The following CDH12 variants were observed in gnomAD, a reference collection of about 807,000 sequenced individuals.
CDH12 encodes cadherin-12.
CDH12 carries 41 observed loss-of-function variants against 74.1 expected under a neutral mutation model. The ratio of observed to expected loss-of-function variants is 0.55; its 90% CI spans 0.43 to 0.72. The LOEUF (loss-of-function observed/expected upper bound fraction) is 0.72. Ranked by LOEUF, CDH12 falls within the 30% of genes least tolerant of loss-of-function variation. The pLI is 0.00. For synonymous variants in CDH12, 399 were observed against 355.0 expected (o/e 1.12, Z -1.39); for missense variants, 945 against 977.2 (o/e 0.97, Z 0.44).
rs1290720285 is a variant in CDH12 at position 22,210,757 on chromosome 5, C to T, written c.-187+1741G>A. 4.0e-5 allele frequency among the ~76,000 whole-genome samples: 6 copies of T among 151,532 alleles called. No homozygotes were observed. The East Asian group carries it at 5.8e-4, about 15-fold the overall frequency. On this transcript the variant is annotated intron_variant, in intron 4 of 14. Coordinates refer to ENST00000382254, the MANE Select transcript of CDH12 (RefSeq NM_004061.5). ...GGCACAAGGATAGAGATGTTTTCAGCGACATGCAAGTTCGCTAGTAGCAAG... is the reference window on the plus strand; with the variant it reads ...GGCACAAGGATAGAGATGTTTTCAGTGACATGCAAGTTCGCTAGTAGCAAG...
intron 3 of CDH12, among the ~76,000 whole-genome samples, chr5:22,269,501 G>A (rs541664406): frequency 2.0e-5 from 3 of 152,184 alleles, no homozygotes; most frequent in South Asian, 4.1e-4. Context: ...ATATAAGCAT[G>A]TTGATTTTAA....
chr5:22,725,221 T>C (rs914824916), intron 1 of CDH12, among the ~76,000 whole-genome samples: 6 of 151,890 alleles, frequency 4.0e-5, no homozygotes, highest in Admixed American at 2.6e-4. Context: ...GTGGTTTGTG[T>C]TTTTATAAAG....
chr5:22,654,681 G>T (rs1319516128), intron 1 of CDH12, among the ~76,000 whole-genome samples: 1 of 151,080 alleles, frequency 6.6e-6, no homozygotes, highest in Non-Finnish European at 1.5e-5. Context: ...TGTTGCCTAG[G>T]CTGGAGTGCA....
intron 3 of CDH12, among the ~76,000 whole-genome samples, chr5:22,319,384 A>T (rs998404652): frequency 6.6e-6 from 1 of 152,196 alleles, no homozygotes; most frequent in Non-Finnish European, 1.5e-5. Context: ...CAAGACCAAC[A>T]TCCTATGTGG....
intron 6 of CDH12, among the ~76,000 whole-genome samples, chr5:21,970,779 G>T (rs1756809415): frequency 7.5e-6 from 1 of 134,070 alleles, no homozygotes; most frequent in Admixed American, 8.5e-5. Flanking sequence ...GGCAGAGGTT[G>T]CAGTGCGCCA....
At chr5:22,753,264 T>A (rs1264846696) in intron 1 of CDH12, among the ~76,000 whole-genome samples, 1 of 151,786 alleles carries the variant, frequency 6.6e-6, no homozygotes, top group East Asian at 2.0e-4. Flanking sequence ...TGATGAACCC[T>A]GTCTCTATTA....
rs114260570 is a variant in CDH12 at position 22,023,274 on chromosome 5, T to A, written c.232-47889A>T. The stretch of plus-strand genomic sequence containing the variant: ...CTCCCTTCCTCACACTAATGAACTC[T>A]GCAATAAGATGTATGCCACCTGGAC... On this transcript the variant is annotated intron_variant, in intron 5 of 14. Coordinates refer to ENST00000382254, the MANE Select transcript of CDH12 (RefSeq NM_004061.5). Among the ~76,000 whole-genome samples the A allele has an allele frequency of 8.0e-3, 1,224 of 152,256 alleles. 17 individuals carry two copies. Among genetic ancestry groups the A allele is most frequent in the African/African-American group, 0.028 (1,176 of 41,548 alleles).
At chr5:22,325,672 G>A (rs1739056185) in intron 3 of CDH12, among the ~76,000 whole-genome samples, 1 of 152,086 alleles carries the variant, frequency 6.6e-6, no homozygotes, top group South Asian at 2.1e-4. Flanking sequence ...GCATCACAAG[G>A]TCAGGAGATC....
chr5:22,174,101 A>C (rs1259321096), intron 4 of CDH12, among the ~76,000 whole-genome samples: 2 of 152,162 alleles, frequency 1.3e-5, no homozygotes, highest in Middle Eastern at 3.4e-3. Context: ...TAAGTAGATC[A>C]ATAATTGTTA....
intron 1 of CDH12, among the ~76,000 whole-genome samples, chr5:22,596,785 A>C (rs1345644918): frequency 6.6e-6 from 1 of 152,196 alleles, no homozygotes; most frequent in Non-Finnish European, 1.5e-5. Flanking sequence ...ATCTATCACG[A>C]GCATCTCTTC....
intron 4 of CDH12, among the ~76,000 whole-genome samples, chr5:22,205,280 C>A (rs1277774980): frequency 6.6e-6 from 1 of 152,090 alleles, no homozygotes; most frequent in Non-Finnish European, 1.5e-5. Context: ...TACTGAGTTG[C>A]AGCTTTGAAT....
intron 1 of CDH12, among the ~76,000 whole-genome samples, chr5:22,719,464 A>G (rs1168838596): frequency 6.6e-6 from 1 of 152,170 alleles, no homozygotes; most frequent in Non-Finnish European, 1.5e-5. Flanking sequence ...TGCCTAGTGA[A>G]GTAAAGTTAA....
chr5:22,230,653 T>C (rs1428054956), intron 3 of CDH12, among the ~76,000 whole-genome samples: 1 of 151,848 alleles, frequency 6.6e-6, no homozygotes, highest in Non-Finnish European at 1.5e-5. Context: ...GTATTTTTAA[T>C]AGAGACGGGG....
intron 1 of CDH12, among the ~76,000 whole-genome samples, chr5:22,590,270 G>A (rs1208230068): frequency 3.3e-5 from 5 of 151,936 alleles, no homozygotes; most frequent in African/African-American, 7.3e-5. Flanking sequence ...TAAAGATCAT[G>A]AGCCTCAAAA....
intron 3 of CDH12, among the ~76,000 whole-genome samples, chr5:22,308,159 C>T (rs528386850): frequency 6.6e-6 from 1 of 152,088 alleles, no homozygotes; most frequent in Admixed American, 6.5e-5. Flanking sequence ...GGATTACAGG[C>T]GTGAGCCCCC....
intron 8 of CDH12, among the ~76,000 whole-genome samples, chr5:21,829,606 T>G (rs533027184): frequency 6.6e-6 from 1 of 152,292 alleles, no homozygotes; most frequent in African/African-American, 2.4e-5. Flanking sequence ...CATTTCCTTG[T>G]CTATATAATT....
intron 5 of CDH12, among the ~76,000 whole-genome samples, chr5:21,979,995 G>A (rs1302263270): frequency 6.6e-6 from 1 of 151,542 alleles, no homozygotes; most frequent in Non-Finnish European, 1.5e-5. Context: ...GGTGTGAGAT[G>A]GTATCTCATA....
intron 2 of CDH12, among the ~76,000 whole-genome samples, chr5:22,416,511 C>T (rs114870729): frequency 0.012 from 1,839 of 152,148 alleles, 38 homozygotes; most frequent in African/African-American, 0.041. Flanking sequence ...CATTCTCAAT[C>T]CCCATTTTTC....
chr5:22,156,114 G>A (rs35825491), intron 4 of CDH12, among the ~76,000 whole-genome samples: 58,255 of 151,944 alleles, frequency 0.38, 12,546 homozygotes, highest in East Asian at 0.73. Flanking sequence ...TCACTTATGC[G>A]TTCACTAAGA....
Sources: allele counts gnomAD v4.1 joint callset (sites outside exome capture counted in the v4.1 genomes callset), GRCh38; gene constraint gnomAD v4.1.1; transcripts MANE v1.5; gene names NCBI Gene and HGNC (gene_info 2026-07-23, HGNC 2026-07-21).